Variants in UTRN observed in about 807,000 individuals in gnomAD.
UTRN encodes the protein utrophin, also known as dystrophin-related protein 1.
A neutral mutation model predicts 463.9 loss-of-function variants in UTRN; 283 were observed. That is an observed-to-expected ratio of 0.61 (90% CI 0.55 to 0.67). The LOEUF (loss-of-function observed/expected upper bound fraction) is 0.67. UTRN is among the 30% of genes least tolerant of loss of function. The probability of loss-of-function intolerance (pLI) is 0.00; values close to 1 mark genes in which losing one functional copy is unlikely to be tolerated. For missense variants in UTRN, 3,922 were observed against 4,084.3 expected (o/e 0.96, Z 1.08); for synonymous variants, 1,442 against 1,431.5 (o/e 1.01, Z -0.17).
rs562781155 is a variant in UTRN at position 144,358,158 on chromosome 6, C to A, written c.80-44965C>A. Reference sequence around the variant, plus strand: ...ACTATATGGTAGTCCATTTAAGAAACGTTCAGTAAATGTTGCTCATAGTAA... The same window carrying A: ...ACTATATGGTAGTCCATTTAAGAAAAGTTCAGTAAATGTTGCTCATAGTAA... On this transcript the variant is annotated intron_variant, in intron 2 of 74. Coordinates refer to ENST00000367545, the MANE Select transcript of UTRN (RefSeq NM_007124.3). 3.3e-5 allele frequency among the ~76,000 whole-genome samples: 5 copies of A among 152,296 alleles called. No homozygotes were observed. The South Asian group carries it at 1.0e-3, about 32-fold the overall frequency.
chr6:144,541,840 G>A (rs35243387), intron 45 of UTRN, among the ~76,000 whole-genome samples: 1,674 of 152,282 alleles, frequency 0.011, 20 homozygotes, highest in Non-Finnish European at 0.015. Flanking sequence ...GTTAATTTAC[G>A]AAGGATGAAT....
At chr6:144,734,866 ATGCCAGGGGG>A (rs1205709631) in intron 54 of UTRN, among the ~76,000 whole-genome samples, 4 of 152,118 alleles carry the variant, frequency 2.6e-5, no homozygotes, top group Admixed American at 6.5e-5. Flanking sequence ...CACAGACTGT[ATGCCAGGGGG>A]TGCCATGTTA....
chr6:144,333,915 ATATT>A lies in UTRN; in HGVS notation c.79+42012_79+42015del, dbSNP rs914308069. On this transcript the variant is annotated intron_variant, in intron 2 of 74. Coordinates refer to ENST00000367545, the MANE Select transcript of UTRN (RefSeq NM_007124.3). ...CTCATTTTATTCATTCGTTCAGTAA[ATATT>A]TATCCACCCACCTACTATGTGCTAG... is the stretch of plus-strand genomic sequence containing the variant. Among the ~76,000 whole-genome samples, 8 of 152,304 alleles carry A rather than the reference ATATT, an allele frequency of 5.3e-5. No homozygotes were observed. In the East Asian group the frequency reaches 5.8e-4, roughly 11 times the overall value.
intron 46 of UTRN, among the ~76,000 whole-genome samples, chr6:144,543,235 AGC>A (rs1798130307): frequency 6.6e-6 from 1 of 152,180 alleles, no homozygotes; most frequent in East Asian, 1.9e-4. Context: ...TGTTAACATG[AGC>A]TTGGTTAACA....
chr6:144,691,409 A>C (rs1783402233), intron 52 of UTRN, among the ~76,000 whole-genome samples: 1 of 152,240 alleles, frequency 6.6e-6, no homozygotes, highest in Non-Finnish European at 1.5e-5. Context: ...GAGCCACTGC[A>C]CCTGGCCCCA....
chr6:144,744,906 A>T (rs941965457), intron 54 of UTRN, among the ~76,000 whole-genome samples: 1 of 152,238 alleles, frequency 6.6e-6, no homozygotes, highest in African/African-American at 2.4e-5. Context: ...CTTCAGCTAC[A>T]TGGTCCAGAG....
chr6:144,730,570 G>A, intron 54 of UTRN, 84 bp downstream of exon 54: 1 of 1,381,756 alleles, frequency 7.2e-7, no homozygotes, highest in Non-Finnish European at 9.5e-7. Flanking sequence ...TTTCCTTACA[G>A]CATTTTAGGA....
chr6:144,755,750 A>G (rs561693656), intron 57 of UTRN, among the ~76,000 whole-genome samples: 9 of 152,266 alleles, frequency 5.9e-5, no homozygotes, highest in East Asian at 5.8e-4. Context: ...TTATTTCTCA[A>G]TTATGACAGT....
At chr6:144,344,351 A>G in intron 2 of UTRN, 2 of 1,303,806 alleles carry the variant, frequency 1.5e-6, no homozygotes, top group Non-Finnish European at 2.0e-6. Flanking sequence ...GGTTTTCTTA[A>G]GAAACGTCTA....
intron 39 of UTRN, among the ~76,000 whole-genome samples, chr6:144,520,018 A>G (rs368955618): frequency 1.3e-5 from 2 of 152,256 alleles, no homozygotes; most frequent in South Asian, 4.1e-4. Context: ...AGTACTACAA[A>G]GGTAAATGTC....
chr6:144,799,216 C>T (rs552930116), intron 64 of UTRN, among the ~76,000 whole-genome samples: 7 of 152,212 alleles, frequency 4.6e-5, no homozygotes, highest in Admixed American at 2.6e-4. Context: ...ATAGTTTGTA[C>T]GAAGCATATC....
intron 2 of UTRN, among the ~76,000 whole-genome samples, chr6:144,363,361 G>A (rs973733453): frequency 1.1e-4 from 16 of 152,308 alleles, no homozygotes; most frequent in African/African-American, 3.4e-4. Context: ...TGAAATTGAC[G>A]CACAGAGAGC....
intron 51 of UTRN, among the ~76,000 whole-genome samples, chr6:144,676,783 G>T (rs974506395): frequency 6.6e-6 from 1 of 152,018 alleles, no homozygotes; most frequent in Non-Finnish European, 1.5e-5. Context: ...TAACATTTTA[G>T]AAATAAATTT....
In UTRN at chr6:144,754,778, C is replaced by A; in HGVS notation, c.8414C>A (p.Ser2805Tyr). The change falls in exon 57 of 75, where the codon TCC becomes TAC. Residue 2805 changes from serine (S) to tyrosine (Y), a missense_variant. Transcript: ENST00000367545. ...LQEAHRDFGPSSQHFLSTSVQ... is the reference protein window; with the variant it reads ...LQEAHRDFGPYSQHFLSTSVQ... ...GAAGCCCACAGAGATTTTGGACCAT[C>A]CTCTCAGCATTTTCTCTCTAGTAAG... The A allele has an allele frequency of 6.2e-7, 1 of 1,613,528 alleles. No homozygotes were observed. The highest frequency in any genetic ancestry group is 8.5e-7 in the Non-Finnish European group (1 of 1,179,666).
rs985398515 is a variant in UTRN, at chr6:144,285,341, C to T, written c.-573C>T. The stretch of plus-strand genomic sequence containing the variant: ...CGCACAAAGTTGTGGAGTCGTTTTT[C>T]CTCGGAGCAGGGAAGCGGGCAGCAG... On this transcript the variant is annotated 5_prime_UTR_variant, in exon 1 of 75. Coordinates refer to ENST00000367545, the MANE Select transcript of UTRN (RefSeq NM_007124.3). Among the ~76,000 whole-genome samples, 1 of 147,558 alleles carries T rather than the reference C, an allele frequency of 6.8e-6. No homozygotes were observed. The highest frequency in any genetic ancestry group is 1.5e-5 in the Non-Finnish European group (1 of 66,830).
intron 69 of UTRN, among the ~76,000 whole-genome samples, chr6:144,834,932 C>T (rs1780980777): frequency 1.3e-5 from 2 of 152,188 alleles, no homozygotes; most frequent in South Asian, 2.1e-4. Context: ...GCCATCAAAA[C>T]GGACCACGTG....
At chr6:144,675,829 T>C (rs529829364) in intron 51 of UTRN, among the ~76,000 whole-genome samples, 1 of 152,176 alleles carries the variant, frequency 6.6e-6, no homozygotes, top group Non-Finnish European at 1.5e-5. Flanking sequence ...GAGCGAAAGT[T>C]CACGGTGTGA....
chr6:144,344,092 A>C (rs1387846009), intron 2 of UTRN: 3 of 451,668 alleles, frequency 6.6e-6, no homozygotes, highest in Non-Finnish European at 9.0e-6. Context: ...AAAGCCACCA[A>C]AAAAAAAAAA....
intron 51 of UTRN, among the ~76,000 whole-genome samples, chr6:144,636,996 G>T (rs1384767620): frequency 6.6e-6 from 1 of 152,088 alleles, no homozygotes; most frequent in Non-Finnish European, 1.5e-5. Flanking sequence ...TTGAGACGGA[G>T]TCTTCATTGA....
Sources: gnomAD v4.1 joint callset for allele counts (sites outside exome capture counted in the v4.1 genomes callset) on GRCh38, gnomAD v4.1.1 for gene constraint, MANE v1.5 for transcripts, NCBI Gene and HGNC (gene_info 2026-07-23, HGNC 2026-07-21) for gene names.